The following PDZRN3 variants were observed in gnomAD, a reference collection of about 807,000 sequenced individuals.
PDZRN3 encodes the protein PDZ domain containing ring finger 3.
A neutral mutation model predicts 85.7 loss-of-function variants in PDZRN3; 38 were observed. The ratio of observed to expected loss-of-function variants is 0.44; its 90% CI spans 0.34 to 0.58. The LOEUF is 0.58. Among genes scored for constraint, PDZRN3 ranks in the 20% least tolerant of loss-of-function variants. The probability of loss-of-function intolerance (pLI) is 0.01; values close to 1 mark genes in which losing one functional copy is unlikely to be tolerated. For synonymous variants in PDZRN3, 759 were observed against 638.0 expected (o/e 1.19, Z -2.86); for missense variants, 1,629 against 1,506.4 (o/e 1.08, Z -1.35).
At chr3:73,620,646 C>T (rs35907651) in intron 1 of PDZRN3, among the ~76,000 whole-genome samples, 2 of 150,654 alleles carry the variant, frequency 1.3e-5, no homozygotes, top group Non-Finnish European at 3.0e-5. Flanking sequence ...GCACTATCTC[C>T]GCTTACTGCA....
chr3:73,536,420 C>G (rs1355675668), intron 3 of PDZRN3, among the ~76,000 whole-genome samples: 1 of 152,224 alleles, frequency 6.6e-6, no homozygotes, highest in Non-Finnish European at 1.5e-5. Context: ...ACCCTGACAA[C>G]CCAGGCATCA....
chr3:73,520,212 G>C (rs1483240229), intron 3 of PDZRN3, among the ~76,000 whole-genome samples: 1 of 152,136 alleles, frequency 6.6e-6, no homozygotes, highest in African/African-American at 2.4e-5. Flanking sequence ...GCTATATCAA[G>C]AGTAAACTAG....
chr3:73,552,225 AGTGTGTGTGTGTGTGTGT>A (rs55784793), intron 3 of PDZRN3, among the ~76,000 whole-genome samples: 3 of 147,868 alleles, frequency 2.0e-5, no homozygotes, highest in Middle Eastern at 3.5e-3. Context: ...GAATTAAAGG[AGTGTGTGTGTGTGTGTGT>A]GTGTGTGTGT....
chr3:73,510,372 A>T (rs932609201), intron 3 of PDZRN3, among the ~76,000 whole-genome samples: 1 of 152,224 alleles, frequency 6.6e-6, no homozygotes, highest in Non-Finnish European at 1.5e-5. Context: ...AAGAAACACT[A>T]GCACATATAC....
chr3:73,440,249 C>T (rs1702609328), intron 3 of PDZRN3, among the ~76,000 whole-genome samples: 1 of 152,078 alleles, frequency 6.6e-6, no homozygotes, highest in East Asian at 1.9e-4. Context: ...ACATGCTGAG[C>T]CCTGCTGGGA....
intron 3 of PDZRN3, among the ~76,000 whole-genome samples, chr3:73,498,653 C>T (rs1033900265): frequency 6.6e-6 from 1 of 151,570 alleles, no homozygotes; most frequent in African/African-American, 2.4e-5. Flanking sequence ...GACACAATCT[C>T]GGCTCACTGC....
In PDZRN3 at chr3:73,416,875, G is replaced by GTTTT. The variant is rs1491373717; in HGVS notation, c.919-12481_919-12480insAAAA. Among the ~76,000 whole-genome samples, 63 of 40,726 alleles carry GTTTT rather than the reference G, an allele frequency of 1.5e-3. 1 individual carries two copies. The highest frequency in any genetic ancestry group is 3.6e-3 in the African/African-American group (49 of 13,800). The allele number at this position is 40,726 out of a possible 152,430, so 26.7% of individuals were successfully genotyped here. On this transcript the variant is annotated intron_variant, in intron 3 of 9. Transcript: ENST00000263666. ...GTTTTTTTTTTGTTTGTTTTTTTTTGGTTTTTTTTTTTTTTTTTTTTTTTT... is the reference window on the plus strand; with the variant it reads ...GTTTTTTTTTTGTTTGTTTTTTTTTGTTTTGTTTTTTTTTTTTTTTTTTTTTTTT...
chr3:73,419,367 G>A (rs2106771029), intron 3 of PDZRN3, among the ~76,000 whole-genome samples: 1 of 152,270 alleles, frequency 6.6e-6, no homozygotes, highest in South Asian at 2.1e-4. Context: ...TGATGCATCA[G>A]TGTAGTTATC....
intron 3 of PDZRN3, among the ~76,000 whole-genome samples, chr3:73,426,188 C>T: frequency 6.6e-6 from 1 of 151,910 alleles, no homozygotes; most frequent in Non-Finnish European, 1.5e-5. Flanking sequence ...CATATGTATA[C>T]ATTATGTATA....
intron 3 of PDZRN3, among the ~76,000 whole-genome samples, chr3:73,559,972 C>T (rs1251201605): frequency 6.6e-6 from 1 of 152,140 alleles, no homozygotes; most frequent in Non-Finnish European, 1.5e-5. Context: ...CTGTCAAGGG[C>T]GGGAGCAGCT....
chr3:73,489,520 A>G (rs1321940100), intron 3 of PDZRN3, among the ~76,000 whole-genome samples: 1 of 151,320 alleles, frequency 6.6e-6, no homozygotes, highest in African/African-American at 2.4e-5. Context: ...TGCCCTGCAT[A>G]AGACTAAATA....
intron 3 of PDZRN3, among the ~76,000 whole-genome samples, chr3:73,440,871 G>A (rs34738588): frequency 0.083 from 12,646 of 152,200 alleles, 586 homozygotes; most frequent in Middle Eastern, 0.18. Context: ...CAGTCGGGCA[G>A]TCCTCCGACC....
chr3:73,455,749 A>G (rs1256108774), intron 3 of PDZRN3, among the ~76,000 whole-genome samples: 3 of 152,226 alleles, frequency 2.0e-5, no homozygotes, highest in Non-Finnish European at 4.4e-5. Context: ...TAAAAGCATA[A>G]AACTGCATTT....
chr3:73,416,402 G>A (rs1309895445), intron 3 of PDZRN3, among the ~76,000 whole-genome samples: 1 of 151,822 alleles, frequency 6.6e-6, no homozygotes, highest in Admixed American at 6.6e-5. Context: ...TGGGCTTCTT[G>A]AGAATTTTAA....
chr3:73,428,894 G>T (rs1195607294), intron 3 of PDZRN3, among the ~76,000 whole-genome samples: 2 of 148,896 alleles, frequency 1.3e-5, no homozygotes, highest in African/African-American at 2.5e-5. Flanking sequence ...AGATGGGCTT[G>T]TTTTTTTTTT....
chr3:73,590,163 G>GC (rs1276300135), intron 3 of PDZRN3, among the ~76,000 whole-genome samples: 2 of 150,852 alleles, frequency 1.3e-5, no homozygotes, highest in African/African-American at 4.9e-5. Context: ...CAGCTACTTG[G>GC]GGGGCTGAGG....
intron 3 of PDZRN3, among the ~76,000 whole-genome samples, chr3:73,563,925 A>C (rs1030249318): frequency 6.6e-6 from 1 of 152,178 alleles, no homozygotes; most frequent in Non-Finnish European, 1.5e-5. Flanking sequence ...GCTCATAACC[A>C]CAAGGTAACC....
intron 3 of PDZRN3, among the ~76,000 whole-genome samples, chr3:73,497,405 TA>T (rs869054728): frequency 7.4e-6 from 1 of 135,650 alleles, no homozygotes; most frequent in African/African-American, 3.5e-5. Context: ...TCAGCTACTT[TA>T]AAAAAATTTT....
rs77397126 is a variant in PDZRN3, at chr3:73,536,204, C to T, written c.918+66150G>A. ...TGCTATCTTTAATGACTCCAAGGAA[C>T]CAACTGTGCATCCCAGAGATGTTGA... On this transcript the variant is annotated intron_variant, in intron 3 of 9. Coordinates refer to ENST00000263666, the MANE Select transcript of PDZRN3 (RefSeq NM_015009.3). Among the ~76,000 whole-genome samples, 429 of 152,324 alleles carry T rather than the reference C, an allele frequency of 2.8e-3. 1 individual carries two copies. Among genetic ancestry groups the T allele is most frequent in the African/African-American group, 9.6e-3 (400 of 41,564 alleles).
Sources: allele counts gnomAD v4.1 joint callset (sites outside exome capture counted in the v4.1 genomes callset), GRCh38; gene constraint gnomAD v4.1.1; transcripts MANE v1.5; gene names NCBI Gene and HGNC (gene_info 2026-07-23, HGNC 2026-07-21).